Variants in PACSIN1 observed in about 807,000 individuals in gnomAD.
PACSIN1 encodes protein kinase C and casein kinase substrate in neurons 1, also known as protein kinase C and casein kinase substrate in neurons protein 1.
Under a neutral mutation model 59.5 loss-of-function variants are expected in PACSIN1, and 15 were observed. The observed-to-expected ratio is 0.25, with a 90% CI of 0.17 to 0.39. The LOEUF is 0.39. Among genes scored for constraint, PACSIN1 ranks in the 10% least tolerant of loss-of-function variants. PACSIN1 has a pLI of 1.00. For missense variants in PACSIN1, 420 were observed against 580.2 expected (o/e 0.72, Z 2.84); for synonymous variants, 210 against 220.6 (o/e 0.95, Z 0.42).
At chr6:34,495,870 G>C (rs947914985) in intron 1 of PACSIN1, among the ~76,000 whole-genome samples, 15 of 152,212 alleles carry the variant, frequency 9.9e-5, no homozygotes, top group African/African-American at 3.4e-4. Context: ...ATTACTCAAA[G>C]GGTCCCTCTG....
intron 1 of PACSIN1, among the ~76,000 whole-genome samples, chr6:34,487,626 A>G (rs1001031917): frequency 1.7e-4 from 26 of 152,194 alleles, no homozygotes; most frequent in African/African-American, 6.0e-4. Context: ...CTGACCCCAC[A>G]TGGAACCCTG....
intron 1 of PACSIN1, among the ~76,000 whole-genome samples, chr6:34,517,921 G>A (rs759319222): frequency 2.6e-5 from 4 of 152,218 alleles, no homozygotes; most frequent in African/African-American, 9.6e-5. Flanking sequence ...GAGAATCAGG[G>A]CTGCAGTGTA....
chr6:34,487,433 C>T (rs1406777798), intron 1 of PACSIN1, among the ~76,000 whole-genome samples: 1 of 152,136 alleles, frequency 6.6e-6, no homozygotes, highest in Non-Finnish European at 1.5e-5. Flanking sequence ...CCCCGTGCTC[C>T]GGTGGGCTGA....
intron 1 of PACSIN1, among the ~76,000 whole-genome samples, chr6:34,522,783 CT>C (rs1767415909): frequency 6.6e-6 from 1 of 152,314 alleles, no homozygotes; most frequent in Non-Finnish European, 1.5e-5. Flanking sequence ...ACCTCAGGGG[CT>C]GCTCATGCAA....
chr6:34,473,782 CAT>C (rs1766603399), intron 1 of PACSIN1, among the ~76,000 whole-genome samples: 1 of 152,192 alleles, frequency 6.6e-6, no homozygotes, highest in East Asian at 1.9e-4. Context: ...ATATAACAGT[CAT>C]ATACTCATGG....
intron 1 of PACSIN1, among the ~76,000 whole-genome samples, chr6:34,493,074 G>A (rs935638181): frequency 6.6e-6 from 1 of 152,196 alleles, no homozygotes. Context: ...GGGCTGGGAG[G>A]ACACTTCAGA....
At chr6:34,471,049 G>T (rs545213556) in intron 1 of PACSIN1, among the ~76,000 whole-genome samples, 2 of 152,112 alleles carry the variant, frequency 1.3e-5, no homozygotes, top group African/African-American at 4.8e-5. Context: ...AGGTTCAAGT[G>T]ATTCTCCTGC....
rs562971625 is a variant in PACSIN1 at position 34,505,303 on chromosome 6, G to A, written c.-63-20940G>A. On this transcript the variant is annotated intron_variant, in intron 1 of 9. Coordinates refer to ENST00000244458, the MANE Select transcript of PACSIN1 (RefSeq NM_020804.5). ...TAGTTTTCAAGAGTTTGACCATGAT[G>A]TGCCTTGGAGTGGATTTCTTGGGGT... Among the ~76,000 whole-genome samples the A allele has an allele frequency of 2.0e-5, 3 of 152,168 alleles. No homozygotes were observed. The South Asian group carries it at 6.2e-4, about 32-fold the overall frequency.
rs531267413 is a variant in PACSIN1, at chr6:34,473,224, C to T, written c.-64+6954C>T. Among the ~76,000 whole-genome samples, 599 of 99,354 alleles carry T rather than the reference C, an allele frequency of 6.0e-3. 1 individual carries two copies. The highest frequency in any genetic ancestry group is 0.021 in the African/African-American group (509 of 23,866). The allele number at this position is 99,354 out of a possible 152,430, so 65.2% of individuals were successfully genotyped here. ...AGGCTGGTCAGATCCAGAGACGGGG[C>T]GGGGGGCGGGGGGGTACATTCCAGG... On this transcript the variant is annotated intron_variant, in intron 1 of 9. Transcript: ENST00000244458.
At chr6:34,513,001 C>A (rs893408125) in intron 1 of PACSIN1, among the ~76,000 whole-genome samples, 3 of 152,248 alleles carry the variant, frequency 2.0e-5, no homozygotes, top group Middle Eastern at 6.8e-3. Flanking sequence ...GCAGGAGAGC[C>A]CTTGAGACAG....
At chr6:34,509,237 C>G (rs1174319798) in intron 1 of PACSIN1, among the ~76,000 whole-genome samples, 1 of 152,158 alleles carries the variant, frequency 6.6e-6, no homozygotes, top group African/African-American at 2.4e-5. Context: ...ATGTAGAAAG[C>G]AGTTTTCCCA....
intron 1 of PACSIN1, among the ~76,000 whole-genome samples, chr6:34,472,271 C>CAAAAAAAAAAAA (rs61560626): frequency 2.6e-5 from 2 of 78,292 alleles, no homozygotes; most frequent in Non-Finnish European, 4.5e-5. Context: ...GACTCTGTCT[C>CAAAAAAAAAAAA]AAAAAAAAAA....
At position 34,504,295 on chromosome 6, in the gene PACSIN1, T is replaced by A. The variant is rs1247438737; in HGVS notation, c.-63-21948T>A. ...GTATATATATATATATATATATTTT[T>A]TTTTTTTTTTTTTTAAACGGAGTTT... On this transcript the variant is annotated intron_variant, in intron 1 of 9. Coordinates refer to ENST00000244458, the MANE Select transcript of PACSIN1 (RefSeq NM_020804.5). Among the ~76,000 whole-genome samples, 304 of 104,884 alleles carry A rather than the reference T, an allele frequency of 2.9e-3. 1 individual carries two copies. The highest frequency in any genetic ancestry group is 8.7e-3 in the Middle Eastern group (2 of 230). The allele number at this position is 104,884 out of a possible 152,430, so 68.8% of individuals were successfully genotyped here.
In PACSIN1 at chr6:34,531,749, A is replaced by G; in HGVS notation, c.1187A>G (p.Tyr396Cys). The G allele has an allele frequency of 6.3e-7, 1 of 1,589,334 alleles. No homozygotes were observed. The highest frequency in any genetic ancestry group is 8.6e-7 in the Non-Finnish European group (1 of 1,165,402). The part of the protein sequence containing the change: ...KGVRVRALYD[Y>C]DGQEQDELSF... ...GTGCGCGTGCGGGCACTCTACGACT[A>G]TGACGGCCAGGAGCAGGACGAGCTC... Residue 396 changes from tyrosine (Y) to cysteine (C), a missense_variant, in exon 9 of 10, where the codon TAT becomes TGT. By Grantham distance (194) the Tyr-to-Cys change is radical. Transcript: ENST00000244458. The surrounding 1 kb of genome is among the most constrained non-coding windows in gnomAD (Gnocchi z 4.4).
rs2127272248 is a variant in PACSIN1, at chr6:34,525,303, A to G, written c.-63-940A>G. On this transcript the variant is annotated intron_variant, in intron 1 of 9. Coordinates refer to ENST00000244458, the MANE Select transcript of PACSIN1 (RefSeq NM_020804.5). The surrounding 1 kb of genome is among the most constrained non-coding windows in gnomAD (Gnocchi z 4.9). ...ACTGGGAAAGAGCCCCAGGCCCTGG[A>G]CAGATGGGGAGCCCTAGGGGGAGGG... is the stretch of plus-strand genomic sequence containing the variant. 6.6e-6 allele frequency among the ~76,000 whole-genome samples: 1 copy of G among 152,290 alleles called. No individual in the cohort carries two copies. Among genetic ancestry groups the G allele is most frequent in the East Asian group, 1.9e-4 (1 of 5,186 alleles).
intron 1 of PACSIN1, among the ~76,000 whole-genome samples, chr6:34,506,382 A>G (rs1407719512): frequency 6.6e-6 from 1 of 152,030 alleles, no homozygotes; most frequent in Non-Finnish European, 1.5e-5. Flanking sequence ...ATACCAGGCT[A>G]ATTTTTTCAT....
At position 34,533,918 on chromosome 6, in the gene PACSIN1, G is replaced by A. The variant is rs1767648116; in HGVS notation, c.*1388G>A. 6.6e-6 allele frequency: 1 copy of A among 152,322 alleles called. No homozygotes were observed. Among genetic ancestry groups the A allele is most frequent in the African/African-American group, 2.4e-5 (1 of 41,462 alleles). The allele number at this position is 152,322 out of a possible 1,614,324, so 9.4% of individuals were successfully genotyped here. A position where few individuals can be genotyped will look rare whatever the true frequency, so the allele number is the denominator to read the frequency against. On this transcript the variant is annotated 3_prime_UTR_variant, in exon 10 of 10. Transcript: ENST00000244458. ...ACCGCACGAGAGGGTGCGGGGGCTT[G>A]GGAAGCAGACCAGGGTTGGACAAAA...
intron 1 of PACSIN1, among the ~76,000 whole-genome samples, chr6:34,487,477 C>G (rs963592254): frequency 6.6e-6 from 1 of 152,072 alleles, no homozygotes; most frequent in African/African-American, 2.4e-5. Context: ...GTGTAGTTGG[C>G]GTAGGTCTAG....
chr6:34,508,101 T>TTTTG (rs928201935), intron 1 of PACSIN1, among the ~76,000 whole-genome samples: 38 of 149,414 alleles, frequency 2.5e-4, no homozygotes, highest in South Asian at 8.3e-4. Context: ...GTAGTTCTTT[T>TTTTG]TTTGTTTGTT....
Sources: allele counts gnomAD v4.1 joint callset (sites outside exome capture counted in the v4.1 genomes callset), GRCh38; gene constraint gnomAD v4.1.1; non-coding constraint Gnocchi (gnomAD v3.1); transcripts MANE v1.5; gene names NCBI Gene and HGNC (gene_info 2026-07-23, HGNC 2026-07-21).